CEP85: variants seen among roughly 807,000 people sequenced by gnomAD.
CEP85 encodes the protein centrosomal protein 85.
Under a neutral mutation model 93.7 loss-of-function variants are expected in CEP85, and 58 were observed. The observed-to-expected ratio is 0.62, with a 90% confidence interval of 0.50 to 0.77. The LOEUF (loss-of-function observed/expected upper bound fraction) is 0.77. Among genes scored for constraint, CEP85 ranks in the 30% least tolerant of loss-of-function variants. The pLI is 0.00. For synonymous variants in CEP85, 314 were observed against 338.6 expected, an observed-to-expected ratio of 0.93 and a Z score of 0.80; for missense variants, 868 against 922.0, an observed-to-expected ratio of 0.94 and a Z score of 0.76.
intron 7 of CEP85, among the ~76,000 whole-genome samples, chr1:26,262,583 A>G (rs1386876302): frequency 1.3e-5 from 2 of 152,170 alleles, no homozygotes; most frequent in Non-Finnish European, 2.9e-5. Context: ...ATGAAAATAA[A>G]ATCAAGAATG....
chr1:26,241,244 A>ATTTTT (rs71004567), intron 2 of CEP85, among the ~76,000 whole-genome samples: 2 of 109,288 alleles, frequency 1.8e-5, no homozygotes, highest in Non-Finnish European at 3.6e-5. Context: ...ATTCAGCAGA[A>ATTTTT]TTTTTTTTTT....
intron 4 of CEP85, among the ~76,000 whole-genome samples, chr1:26,256,659 C>T (rs1289109892): frequency 3.6e-5 from 5 of 137,732 alleles, no homozygotes; most frequent in Admixed American, 1.5e-4. Flanking sequence ...AGTGCAGTGG[C>T]GTGTTCTCGG....
rs2090073659 is a variant in CEP85 at position 26,277,660 on chromosome 1, C to T, written c.*367C>T. 1 of 174,848 alleles carries T rather than the reference C, an allele frequency of 5.7e-6. No homozygotes were observed. Among genetic ancestry groups the T allele is most frequent in the Non-Finnish European group, 1.3e-5 (1 of 79,894 alleles). 10.8% of individuals were successfully genotyped at this position (174,848 alleles called of 1,614,324 possible). ...TTCATTCCCACTTCACACCTTGGTC[C>T]TGCTGATTAGAGAGCTCATCAGAGG... is the stretch of plus-strand genomic sequence containing the variant. On this transcript the variant is annotated 3_prime_UTR_variant, in exon 14 of 14. Transcript: ENST00000451429.
Position 26,277,236 on chromosome 1 carries a change from G to A in CEP85, c.2229G>A (p.Arg743=). The change falls in exon 14 of 14, where the codon AGG becomes AGA. Residue 743 remains arginine (R), a synonymous_variant. Transcript: ENST00000451429. ...QQLRRDIEDL[R]TTMSDRYAQD... Reference sequence around the variant, plus strand: ...TGCGTCGTGACATTGAGGACTTAAGGACCACCATGTCAGACAGATATGCCC... The same window carrying A: ...TGCGTCGTGACATTGAGGACTTAAGAACCACCATGTCAGACAGATATGCCC... 4 of 1,614,184 alleles carry A rather than the reference G, an allele frequency of 2.5e-6. No individual in the cohort carries two copies. Among genetic ancestry groups the A allele is most frequent in the Non-Finnish European group, 3.4e-6 (4 of 1,180,008 alleles).
chr1:26,261,043 A>G (rs2089799951), intron 7 of CEP85, among the ~76,000 whole-genome samples: 1 of 151,510 alleles, frequency 6.6e-6, no homozygotes, highest in South Asian at 2.1e-4. Flanking sequence ...CACCCACCTC[A>G]GCCTCCCAAA....
chr1:26,259,544 A>G (rs1299632451), intron 6 of CEP85, 73 bp from the exon 7 acceptor site: 26 of 1,338,688 alleles, frequency 1.9e-5, no homozygotes, highest in Non-Finnish European at 2.6e-5. Context: ...ACCGTGAAGT[A>G]TGCTGGGAAT....
chr1:26,250,728 G>A (rs1212113562), intron 3 of CEP85, among the ~76,000 whole-genome samples: 1 of 152,010 alleles, frequency 6.6e-6, no homozygotes, highest in African/African-American at 2.4e-5. Flanking sequence ...GGTTATCTTA[G>A]TGTATTTTCT....
At chr1:26,263,794 C>A (rs1013210899) in intron 7 of CEP85, among the ~76,000 whole-genome samples, 2 of 152,130 alleles carry the variant, frequency 1.3e-5, no homozygotes, top group Non-Finnish European at 2.9e-5. Context: ...GACCTTGGAA[C>A]AATACATTTA....
In CEP85 at chr1:26,278,031, C is replaced by A. The variant is rs75267699; in HGVS notation, c.*738C>A. 0.016 allele frequency: 2,443 copies of A among 152,664 alleles called. 136 individuals are homozygous for A. Among genetic ancestry groups the A allele is most frequent in the Admixed American group, 0.11 (1,691 of 15,264 alleles). 9.5% of individuals were successfully genotyped at this position (152,664 alleles called of 1,614,324 possible). On this transcript the variant is annotated 3_prime_UTR_variant, in exon 14 of 14. Coordinates refer to ENST00000451429, the MANE Select transcript of CEP85 (RefSeq NM_001319944.2). ...TTTGTTCTCAGGCCTTCCAGGTAGT[C>A]CCCTTCCTGGACTTAAGAGTGCAAA...
Position 26,271,731 on chromosome 1 carries a change from T to C in CEP85, c.1744-290T>C. ...TGCACTGGCTGTTTATAAAATTGAT[T>C]CCACTGGCCTGCAGTTATTAGGGTG... On this transcript the variant is annotated intron_variant, in intron 10 of 13. Coordinates refer to ENST00000451429, the MANE Select transcript of CEP85 (RefSeq NM_001319944.2). 3 of 389,206 alleles carry C rather than the reference T, an allele frequency of 7.7e-6. No individual in the cohort carries two copies. In the South Asian group the frequency reaches 1.7e-4, roughly 21 times the overall value. 24.1% of individuals were successfully genotyped at this position (389,206 alleles called of 1,614,324 possible).
chr1:26,256,215 A>T (rs968203177), intron 4 of CEP85, among the ~76,000 whole-genome samples: 13 of 152,184 alleles, frequency 8.5e-5, no homozygotes, highest in African/African-American at 3.1e-4. Context: ...CATAATCTGT[A>T]CGGGGTCATA....
chr1:26,261,856 A>G lies in CEP85; in HGVS notation c.1341+2054A>G, dbSNP rs72649338. 7.1e-3 allele frequency among the ~76,000 whole-genome samples: 1,083 copies of G among 152,278 alleles called. 8 individuals are homozygous for G. The highest frequency in any genetic ancestry group is 0.012 in the Non-Finnish European group (841 of 68,022). On this transcript the variant is annotated intron_variant, in intron 7 of 13. Transcript: ENST00000451429. ...ATACAGTCTGAATGACTAGTTTACA[A>G]TCCCAGGTGGTATTATAAGTTTTGC...
chr1:26,237,874 A>G (rs1043284723), intron 1 of CEP85, among the ~76,000 whole-genome samples: 2 of 152,148 alleles, frequency 1.3e-5, no homozygotes, highest in Non-Finnish European at 2.9e-5. Flanking sequence ...AAGAAAGGAA[A>G]TCACTAGTAA....
At chr1:26,276,061 C>T (rs534256298) in intron 12 of CEP85, among the ~76,000 whole-genome samples, 1 of 148,920 alleles carries the variant, frequency 6.7e-6, no homozygotes, top group Non-Finnish European at 1.5e-5. Flanking sequence ...GTCTTTCTTA[C>T]TCTCTTTATT....
In CEP85 at chr1:26,269,782, C is replaced by CTTTTTTTTT. The variant is rs748230113; in HGVS notation, c.1649+182_1649+190dup. On this transcript the variant is annotated intron_variant, in intron 9 of 13. Transcript: ENST00000451429. ...TAGGAAAGCTGCTTATGGGAAGCGG[C>CTTTTTTTTT]TTTTTTTTTTTTTTTTTTTTTTGAG... Among the ~76,000 whole-genome samples, 25 of 84,708 alleles carry CTTTTTTTTT rather than the reference C, an allele frequency of 3.0e-4. 1 individual carries two copies. Among genetic ancestry groups the CTTTTTTTTT allele is most frequent in the Non-Finnish European group, 4.6e-4 (21 of 45,496 alleles). The allele number at this position is 84,708 out of a possible 152,430, so 55.6% of individuals were successfully genotyped here.
chr1:26,275,160 C>T, intron 12 of CEP85, 89 bp downstream of exon 12: 6 of 955,160 alleles, frequency 6.3e-6, no homozygotes, highest in Non-Finnish European at 9.6e-6. Context: ...AATAAGAGCC[C>T]CAGTGTTTGA....
rs1192252673 is a variant in CEP85 at position 26,235,567 on chromosome 1, C to CTTTTTTTTTTTTTTTTTTT, written c.-23+1259_-23+1277dup. Among the ~76,000 whole-genome samples the CTTTTTTTTTTTTTTTTTTT allele has an allele frequency of 6.0e-4, 57 of 95,576 alleles. 5 individuals are homozygous for CTTTTTTTTTTTTTTTTTTT. Among genetic ancestry groups the CTTTTTTTTTTTTTTTTTTT allele is most frequent in the African/African-American group, 1.4e-3 (32 of 22,710 alleles). 62.7% of individuals were successfully genotyped at this position (95,576 alleles called of 152,430 possible). ...GATGTTCCACACTTAGATTGTAATT[C>CTTTTTTTTTTTTTTTTTTT]TTTTTTTTTTTTTTTTTTTTGTGAG... On this transcript the variant is annotated intron_variant, in intron 1 of 13. Transcript: ENST00000451429.
At chr1:26,242,455 AT>A (rs975816443) in intron 2 of CEP85, among the ~76,000 whole-genome samples, 2 of 152,190 alleles carry the variant, frequency 1.3e-5, no homozygotes, top group African/African-American at 4.8e-5. Flanking sequence ...ACAATTACAG[AT>A]TACTGAGTGT....
At chr1:26,237,739 C>A (rs17163746) in intron 1 of CEP85, among the ~76,000 whole-genome samples, 25,115 of 152,018 alleles carry the variant, frequency 0.17, 2,176 homozygotes, top group Middle Eastern at 0.21. Context: ...TAGGGTAACT[C>A]GGAGTTCTCC....
Sources: gnomAD v4.1 joint callset for allele counts (sites outside exome capture counted in the v4.1 genomes callset) on GRCh38, gnomAD v4.1.1 for gene constraint, MANE v1.5 for transcripts, NCBI Gene and HGNC (gene_info 2026-07-23, HGNC 2026-07-21) for gene names.